EYA2: variants seen among roughly 807,000 people sequenced by gnomAD.
The protein encoded by EYA2 is EYA transcriptional coactivator and phosphatase 2, also known as protein phosphatase EYA2.
Under a neutral mutation model 69.2 loss-of-function variants are expected in EYA2, and 31 were observed. The ratio of observed to expected loss-of-function variants is 0.45; its 90% CI spans 0.34 to 0.60. The LOEUF (loss-of-function observed/expected upper bound fraction) is 0.60. EYA2 is among the 20% of genes least tolerant of loss of function. The pLI is 0.02. For synonymous variants in EYA2, 257 were observed against 279.4 expected, an observed-to-expected ratio of 0.92 and a Z score of 0.80; for missense variants, 622 against 701.2, an observed-to-expected ratio of 0.89 and a Z score of 1.28.
chr20:47,175,213 C>T (rs2034402966), intron 12 of EYA2, among the ~76,000 whole-genome samples: 1 of 152,238 alleles, frequency 6.6e-6, no homozygotes, highest in African/African-American at 2.4e-5. Flanking sequence ...AGGTGCATGG[C>T]CGTGGCTTCC....
intron 12 of EYA2, among the ~76,000 whole-genome samples, chr20:47,174,515 G>A (rs947548126): frequency 3.3e-5 from 5 of 152,118 alleles, no homozygotes; most frequent in African/African-American, 4.8e-5. Context: ...TGGGAGCCTC[G>A]GGTTCCCCTG....
At chr20:47,038,688 C>T (rs1418654357) in intron 5 of EYA2, among the ~76,000 whole-genome samples, 2 of 152,106 alleles carry the variant, frequency 1.3e-5, no homozygotes, top group Admixed American at 1.3e-4. Context: ...ACTGTATGCA[C>T]CACTTTGTGC....
At chr20:47,045,168 A>G (rs1193275255) in intron 5 of EYA2, among the ~76,000 whole-genome samples, 1 of 152,156 alleles carries the variant, frequency 6.6e-6, no homozygotes, top group Non-Finnish European at 1.5e-5. Context: ...TCCTGGTGAT[A>G]CTTGGGGCCA....
chr20:47,162,511 A>G (rs1417155796), intron 10 of EYA2, among the ~76,000 whole-genome samples: 1 of 132,290 alleles, frequency 7.6e-6, no homozygotes, highest in Non-Finnish European at 1.6e-5. Flanking sequence ...ACATACACAC[A>G]TTATCCTTTT....
intron 10 of EYA2, among the ~76,000 whole-genome samples, chr20:47,168,299 C>T (rs552869953): frequency 6.6e-6 from 1 of 152,152 alleles, no homozygotes; most frequent in South Asian, 2.1e-4. Context: ...TCAAGCAGTT[C>T]TCCTGCCTCA....
At chr20:46,969,327 C>T (rs1395495320) in intron 1 of EYA2, among the ~76,000 whole-genome samples, 2 of 152,186 alleles carry the variant, frequency 1.3e-5, no homozygotes, top group African/African-American at 4.8e-5. Context: ...AAGCCATCCT[C>T]CTGCCTCAGC....
At chr20:47,052,128 G>C (rs2030373750) in intron 5 of EYA2, among the ~76,000 whole-genome samples, 2 of 152,128 alleles carry the variant, frequency 1.3e-5, no homozygotes, top group South Asian at 4.1e-4. Flanking sequence ...GACAGCCTCT[G>C]CTCCCATGGG....
At chr20:46,966,200 T>C (rs1979770148) in intron 1 of EYA2, among the ~76,000 whole-genome samples, 1 of 152,176 alleles carries the variant, frequency 6.6e-6, no homozygotes, top group Non-Finnish European at 1.5e-5. Context: ...GGTGGCATCA[T>C]AGCCTTGAGC....
chr20:47,140,055 G>A (rs1404051826), intron 9 of EYA2, among the ~76,000 whole-genome samples: 1 of 152,156 alleles, frequency 6.6e-6, no homozygotes, highest in Non-Finnish European at 1.5e-5. Context: ...AATCCTTTCA[G>A]CAAACAAGTC....
At chr20:46,971,455 T>C (rs1378408926) in intron 1 of EYA2, among the ~76,000 whole-genome samples, 1 of 152,238 alleles carries the variant, frequency 6.6e-6, no homozygotes, top group Non-Finnish European at 1.5e-5. Context: ...CTAACCTACA[T>C]GTTACTTGCA....
chr20:47,110,970 A>G (rs1269205089), intron 9 of EYA2, among the ~76,000 whole-genome samples: 2 of 152,304 alleles, frequency 1.3e-5, no homozygotes, highest in East Asian at 3.9e-4. Flanking sequence ...CATTGCATCC[A>G]TCCCCTCCTT....
In EYA2 at chr20:46,976,255, G is replaced by A. The variant is rs562701592; in HGVS notation, c.-10-13746G>A. 8.5e-5 allele frequency among the ~76,000 whole-genome samples: 13 copies of A among 152,322 alleles called. No homozygotes were observed. The South Asian group carries it at 2.3e-3, about 27-fold the overall frequency. ...GTGATGGTGCACACCTGTAGCCCTA[G>A]CTACTCAGGAGGCCGAGGTGGGAGG... is the stretch of plus-strand genomic sequence containing the variant. On this transcript the variant is annotated intron_variant, in intron 1 of 15. Coordinates refer to ENST00000327619, the MANE Select transcript of EYA2 (RefSeq NM_005244.5).
At chr20:47,034,459 G>A (rs1304911698) in intron 5 of EYA2, among the ~76,000 whole-genome samples, 1 of 152,156 alleles carries the variant, frequency 6.6e-6, no homozygotes, top group Non-Finnish European at 1.5e-5. Context: ...CTGGATGCAG[G>A]AATCTTGTTC....
chr20:47,021,231 G>T (rs1490948504), intron 5 of EYA2, among the ~76,000 whole-genome samples: 1 of 152,158 alleles, frequency 6.6e-6, no homozygotes, highest in African/African-American at 2.4e-5. Flanking sequence ...CTCAATTTTA[G>T]TAAGTGGTCA....
intron 1 of EYA2, among the ~76,000 whole-genome samples, chr20:46,963,927 C>T (rs907245058): frequency 6.6e-6 from 1 of 152,230 alleles, no homozygotes; most frequent in African/African-American, 2.4e-5. Flanking sequence ...AGAGATGAGG[C>T]CCACAGGCTT....
At chr20:47,052,888 G>A (rs765284334) in intron 5 of EYA2, among the ~76,000 whole-genome samples, 1 of 152,100 alleles carries the variant, frequency 6.6e-6, no homozygotes, top group Non-Finnish European at 1.5e-5. Flanking sequence ...CCTCCCAAAC[G>A]GGCTTCTATT....
chr20:47,180,036 A>G, intron 13 of EYA2, 124 bp downstream of exon 13: 1 of 673,632 alleles, frequency 1.5e-6, no homozygotes, highest in Non-Finnish European at 2.5e-6. Flanking sequence ...CACTTTCCAA[A>G]TATTTTTTTT....
intron 5 of EYA2, among the ~76,000 whole-genome samples, chr20:47,047,679 G>A (rs1244549527): frequency 3.9e-5 from 6 of 152,146 alleles, no homozygotes; most frequent in East Asian, 3.9e-4. Flanking sequence ...GAGCCACCGC[G>A]CCCAGCCTGT....
intron 1 of EYA2, among the ~76,000 whole-genome samples, chr20:46,904,830 G>A (rs139045529): frequency 1.2e-3 from 179 of 152,230 alleles, no homozygotes; most frequent in African/African-American, 4.0e-3. Context: ...TACAGATGGC[G>A]GATTGTATCA....
Sources: gnomAD v4.1 joint callset for allele counts (sites outside exome capture counted in the v4.1 genomes callset) on GRCh38, gnomAD v4.1.1 for gene constraint, MANE v1.5 for transcripts, NCBI Gene and HGNC (gene_info 2026-07-23, HGNC 2026-07-21) for gene names.